OLA1: variants seen among roughly 807,000 people sequenced by gnomAD.
The protein encoded by OLA1 is obg-like ATPase 1.
In OLA1, 14 loss-of-function variants were observed where a neutral mutation model predicts 48.4. The observed-to-expected ratio is 0.29, with a 90% confidence interval of 0.19 to 0.45. OLA1 has a LOEUF of 0.45. Among genes scored for constraint, OLA1 ranks in the 20% least tolerant of loss-of-function variants. The pLI is 1.00. For synonymous variants in OLA1, 127 were observed against 150.4 expected (o/e 0.84, Z 1.14); for missense variants, 325 against 467.1 (o/e 0.70, Z 2.80).
intron 7 of OLA1, among the ~76,000 whole-genome samples, chr2:174,119,099 A>G (rs1273956575): frequency 6.6e-6 from 1 of 151,928 alleles, no homozygotes; most frequent in East Asian, 1.9e-4. Context: ...CAAAAAAGAA[A>G]AAAAAAAAAG....
At chr2:174,174,402 T>C (rs1033489931) in intron 4 of OLA1, among the ~76,000 whole-genome samples, 5 of 151,988 alleles carry the variant, frequency 3.3e-5, no homozygotes, top group African/African-American at 9.7e-5. Flanking sequence ...ATTTACCATA[T>C]TAATAGAATA....
At chr2:174,077,534 T>C (rs1684773290) in intron 10 of OLA1, among the ~76,000 whole-genome samples, 1 of 152,120 alleles carries the variant, frequency 6.6e-6, no homozygotes, top group African/African-American at 2.4e-5. Context: ...AAATATTTAA[T>C]GGTATCCTAG....
chr2:174,201,758 C>G (rs989437304), intron 4 of OLA1, among the ~76,000 whole-genome samples: 3 of 152,108 alleles, frequency 2.0e-5, no homozygotes, highest in Non-Finnish European at 4.4e-5. Flanking sequence ...TAAAGCCTCT[C>G]ATAAAAGTAC....
At chr2:174,234,935 G>T (rs557366387) in intron 2 of OLA1, among the ~76,000 whole-genome samples, 1 of 152,322 alleles carries the variant, frequency 6.6e-6, no homozygotes, top group African/African-American at 2.4e-5. Flanking sequence ...GAGGCGGGCA[G>T]ATCACTTGAG....
intron 4 of OLA1, among the ~76,000 whole-genome samples, chr2:174,213,304 A>ACC (rs1688285409): frequency 6.6e-6 from 1 of 152,326 alleles, no homozygotes; most frequent in Admixed American, 6.5e-5. Flanking sequence ...ATCTCTAAGT[A>ACC]CCTATTGAGA....
At position 174,143,850 on chromosome 2, in the gene OLA1, T is replaced by A. The variant is rs540004331; in HGVS notation, c.374-1850A>T. Among the ~76,000 whole-genome samples, 21 of 152,076 alleles carry A rather than the reference T, an allele frequency of 1.4e-4. No homozygotes were observed. The South Asian group carries it at 4.4e-3, about 32-fold the overall frequency. ...TGGGTGTGGTGGCTCACACCTGTAA[T>A]CCCAGCACTTTGGGTGGCCAAGGTG... On this transcript the variant is annotated intron_variant, in intron 4 of 10. Coordinates refer to ENST00000284719, the MANE Select transcript of OLA1 (RefSeq NM_013341.5).
chr2:174,192,615 A>AT (rs1288933952), intron 4 of OLA1, among the ~76,000 whole-genome samples: 2 of 152,232 alleles, frequency 1.3e-5, no homozygotes, highest in East Asian at 3.9e-4. Context: ...TAAAATATCA[A>AT]TTTTTTCCTT....
chr2:174,117,561 TATTTA>T (rs1176123770), intron 7 of OLA1, among the ~76,000 whole-genome samples: 1 of 152,214 alleles, frequency 6.6e-6, no homozygotes, highest in African/African-American at 2.4e-5. Context: ...GCTTCAAGTC[TATTTA>T]ACTCATCAAA....
intron 7 of OLA1, among the ~76,000 whole-genome samples, chr2:174,119,868 C>T (rs931404287): frequency 2.0e-5 from 3 of 152,134 alleles, no homozygotes; most frequent in Non-Finnish European, 2.9e-5. Flanking sequence ...GATTAATTGA[C>T]TCATATAATA....
At chr2:174,234,416 G>A (rs945625672) in intron 2 of OLA1, among the ~76,000 whole-genome samples, 2 of 152,150 alleles carry the variant, frequency 1.3e-5, no homozygotes, top group African/African-American at 2.4e-5. Flanking sequence ...CCAGGGGTCA[G>A]TGCTCCTAAT....
chr2:174,213,810 T>A (rs1398094857), intron 4 of OLA1, among the ~76,000 whole-genome samples: 2 of 152,152 alleles, frequency 1.3e-5, no homozygotes, highest in Non-Finnish European at 2.9e-5. Flanking sequence ...AAATCTATCA[T>A]AAAAGTTTTT....
chr2:174,072,553 AT>A lies in OLA1; in HGVS notation c.*2872del, dbSNP rs1684622846. The A allele has an allele frequency of 6.6e-6, 1 of 152,240 alleles. No individual in the cohort carries two copies. Among genetic ancestry groups the A allele is most frequent in the Non-Finnish European group, 1.5e-5 (1 of 68,034 alleles). The allele number at this position is 152,240 out of a possible 1,614,324, so 9.4% of individuals were successfully genotyped here. On this transcript the variant is annotated 3_prime_UTR_variant, in exon 11 of 11. Transcript: ENST00000284719. ...TAGTTTGCCATTAGGAACAACCGACATTTCTCAAGTCTCTTGTAAAATAAAA... is the reference window on the plus strand; with the variant it reads ...TAGTTTGCCATTAGGAACAACCGACATTCTCAAGTCTCTTGTAAAATAAAA...
intron 4 of OLA1, among the ~76,000 whole-genome samples, chr2:174,198,545 C>T (rs906277719): frequency 6.6e-6 from 1 of 151,990 alleles, no homozygotes; most frequent in South Asian, 2.1e-4. Flanking sequence ...TTTGGGAGGC[C>T]AAGGCAGGCA....
intron 7 of OLA1, among the ~76,000 whole-genome samples, chr2:174,091,973 C>T (rs1211925321): frequency 7.2e-6 from 1 of 139,216 alleles, no homozygotes; most frequent in Non-Finnish European, 1.5e-5. Flanking sequence ...ATTCATGGCA[C>T]TTATTATATT....
chr2:174,075,489 A>C lies in OLA1; in HGVS notation c.1128T>G (p.Ile376Met). 1.2e-6 allele frequency: 2 copies of C among 1,611,252 alleles called. No individual in the cohort carries two copies. Residue 376 changes from isoleucine to methionine, a missense_variant, in exon 11 of 11, where the codon ATT becomes ATG. Ile to Met is a conservative substitution (Grantham distance 10). Coordinates refer to ENST00000284719, the MANE Select transcript of OLA1 (RefSeq NM_013341.5). ...AGAAGATAATATCTCCATCTTCAAC[A>C]ATATAATTTCTGCCTTGTTGTCTGT... ...GKYRQQGRNYIVEDGDIIFFK... is the reference protein window; with the variant it reads ...GKYRQQGRNYMVEDGDIIFFK...
chr2:174,128,727 A>G, intron 5 of OLA1, among the ~76,000 whole-genome samples: 1 of 123,608 alleles, frequency 8.1e-6, no homozygotes. Context: ...ACAAGAGCAA[A>G]ACTTGTCTCA....
At chr2:174,225,669 G>C (rs67654651) in intron 3 of OLA1, among the ~76,000 whole-genome samples, 18,164 of 152,142 alleles carry the variant, frequency 0.12, 2,375 homozygotes, top group East Asian at 0.72. Flanking sequence ...CCCAGCCTCA[G>C]GTAACCCTTT....
At chr2:174,218,544 A>T (rs1688417092) in intron 4 of OLA1, among the ~76,000 whole-genome samples, 1 of 152,230 alleles carries the variant, frequency 6.6e-6, no homozygotes, top group African/African-American at 2.4e-5. Context: ...ACGAGTTAGC[A>T]TACAGTAACT....
At chr2:174,099,851 C>G (rs1273824367) in intron 7 of OLA1, among the ~76,000 whole-genome samples, 1 of 152,034 alleles carries the variant, frequency 6.6e-6, no homozygotes, top group Non-Finnish European at 1.5e-5. Context: ...AAATTTTGTT[C>G]CCAGTGGAGA....
Sources: gnomAD v4.1 joint callset for allele counts (sites outside exome capture counted in the v4.1 genomes callset) on GRCh38, gnomAD v4.1.1 for gene constraint, MANE v1.5 for transcripts, NCBI Gene and HGNC (gene_info 2026-07-23, HGNC 2026-07-21) for gene names.